Variants in NTNG1 observed in about 807,000 individuals in gnomAD.
The protein encoded by NTNG1 is netrin G1.
A neutral mutation model predicts 54.0 loss-of-function variants in NTNG1; 16 were observed. The observed-to-expected ratio is 0.30, with a 90% CI of 0.20 to 0.45. The LOEUF (loss-of-function observed/expected upper bound fraction) is 0.45. Among genes scored for constraint, NTNG1 ranks in the 20% least tolerant of loss-of-function variants. The pLI, the probability that NTNG1 is intolerant of heterozygous loss-of-function variation, is 1.00. For synonymous variants in NTNG1, 255 were observed against 263.1 expected, an observed-to-expected ratio of 0.97 and a Z score of 0.30; for missense variants, 530 against 678.7, an observed-to-expected ratio of 0.78 and a Z score of 2.43.
At chr1:107,249,482 C>A (rs1204313527) in intron 2 of NTNG1, among the ~76,000 whole-genome samples, 19 of 120,556 alleles carry the variant, frequency 1.6e-4, no homozygotes, top group African/African-American at 4.1e-4. Context: ...AACTCCGTCT[C>A]AAAAAAAAAA....
chr1:107,432,701 C>A (rs1675346172), intron 6 of NTNG1, among the ~76,000 whole-genome samples: 1 of 152,164 alleles, frequency 6.6e-6, no homozygotes, highest in Admixed American at 6.5e-5. Flanking sequence ...GGATAAAAAA[C>A]CTAACCATTT....
At chr1:107,426,128 T>G (rs1227109934) in intron 5 of NTNG1, among the ~76,000 whole-genome samples, 1 of 152,148 alleles carries the variant, frequency 6.6e-6, no homozygotes, top group African/African-American at 2.4e-5. Flanking sequence ...GTAGGTTGTC[T>G]GTTTATTCTG....
intron 2 of NTNG1, among the ~76,000 whole-genome samples, chr1:107,217,728 T>C (rs541116585): frequency 6.6e-6 from 1 of 152,308 alleles, no homozygotes; most frequent in Non-Finnish European, 1.5e-5. Context: ...CAGGAGCGGG[T>C]TATTTAATTT....
chr1:107,142,825 C>T (rs1359980472), intron 1 of NTNG1, among the ~76,000 whole-genome samples: 2 of 151,202 alleles, frequency 1.3e-5, no homozygotes, highest in Non-Finnish European at 2.9e-5. Flanking sequence ...AGGAGGATCT[C>T]TAGTGAGGGA....
chr1:107,237,796 T>G (rs1661512670), intron 2 of NTNG1, among the ~76,000 whole-genome samples: 1 of 152,196 alleles, frequency 6.6e-6, no homozygotes, highest in Admixed American at 6.5e-5. Context: ...GAATTGAGGT[T>G]TGGAAATCTC....
chr1:107,266,771 AC>A (rs1163440222), intron 2 of NTNG1, among the ~76,000 whole-genome samples: 2 of 151,898 alleles, frequency 1.3e-5, no homozygotes, highest in Admixed American at 1.3e-4. Context: ...CTGCTTTCAG[AC>A]CTGTAAAGAG....
At chr1:107,151,683 G>A (rs1018539654) in intron 2 of NTNG1, among the ~76,000 whole-genome samples, 4 of 152,076 alleles carry the variant, frequency 2.6e-5, no homozygotes, top group African/African-American at 9.7e-5. Context: ...AAGTTCATTG[G>A]CATTGCATTA....
chr1:107,473,936 C>G (rs1678144075), intron 7 of NTNG1, among the ~76,000 whole-genome samples: 1 of 152,154 alleles, frequency 6.6e-6, no homozygotes, highest in Admixed American at 6.5e-5. Context: ...CTTGGTCACT[C>G]CATTTGAAAT....
chr1:107,145,011 C>T (rs532164923), intron 1 of NTNG1, among the ~76,000 whole-genome samples: 2 of 152,078 alleles, frequency 1.3e-5, no homozygotes, highest in South Asian at 2.1e-4. Context: ...TTAAAGGCCA[C>T]GTCACTTCAC....
chr1:107,374,661 G>A (rs1467893612), intron 3 of NTNG1, among the ~76,000 whole-genome samples: 1 of 151,992 alleles, frequency 6.6e-6, no homozygotes, highest in Non-Finnish European at 1.5e-5. Flanking sequence ...CTGTTTTAAT[G>A]TCCTGTCTGC....
chr1:107,292,319 C>T (rs552959763), intron 2 of NTNG1, among the ~76,000 whole-genome samples: 1 of 152,174 alleles, frequency 6.6e-6, no homozygotes, highest in South Asian at 2.1e-4. Context: ...GTGATGGAGG[C>T]AAGTTTTAGA....
intron 2 of NTNG1, among the ~76,000 whole-genome samples, chr1:107,161,741 T>C (rs991004920): frequency 1.3e-5 from 2 of 152,024 alleles, no homozygotes; most frequent in African/African-American, 4.8e-5. Context: ...TTATATTGTT[T>C]TTGTTAGAAT....
intron 7 of NTNG1, among the ~76,000 whole-genome samples, chr1:107,458,844 G>C (rs1007853958): frequency 6.6e-6 from 1 of 152,028 alleles, no homozygotes; most frequent in African/African-American, 2.4e-5. Flanking sequence ...TCTGTATCTG[G>C]TGTCCTATTT....
At chr1:107,344,728 T>G (rs1669112342) in intron 3 of NTNG1, among the ~76,000 whole-genome samples, 1 of 152,182 alleles carries the variant, frequency 6.6e-6, no homozygotes, top group African/African-American at 2.4e-5. Flanking sequence ...TAATACCTTT[T>G]TTATACTGTC....
intron 2 of NTNG1, among the ~76,000 whole-genome samples, chr1:107,187,815 CTTTGTTTTACCCT>C (rs1342983434): frequency 6.6e-6 from 1 of 152,002 alleles, no homozygotes; most frequent in Non-Finnish European, 1.5e-5. Flanking sequence ...GGCAGAATGA[CTTTGTTTTACCCT>C]TTAAAGGGAG....
At chr1:107,329,878 G>A (rs529908057) in intron 3 of NTNG1, among the ~76,000 whole-genome samples, 24 of 152,042 alleles carry the variant, frequency 1.6e-4, no homozygotes, top group Middle Eastern at 6.8e-3. Flanking sequence ...TATCCAGAAG[G>A]GACACAGACT....
intron 2 of NTNG1, among the ~76,000 whole-genome samples, chr1:107,152,476 G>T (rs1226351499): frequency 1.3e-5 from 2 of 152,208 alleles, no homozygotes; most frequent in Admixed American, 6.5e-5. Context: ...GCACACCCCA[G>T]TGGCTTAAAA....
chr1:107,265,115 GT>G (rs1663646187), intron 2 of NTNG1, among the ~76,000 whole-genome samples: 1 of 152,130 alleles, frequency 6.6e-6, no homozygotes, highest in Non-Finnish European at 1.5e-5. Context: ...ATTGTGTCTT[GT>G]TTTCTCATTG....
intron 7 of NTNG1, among the ~76,000 whole-genome samples, chr1:107,438,338 A>G (rs1196662806): frequency 6.6e-6 from 1 of 152,132 alleles, no homozygotes. Context: ...CAGGCCTCAC[A>G]CCTGTATATA....
Sources: allele counts gnomAD v4.1 joint callset (sites outside exome capture counted in the v4.1 genomes callset), GRCh38; gene constraint gnomAD v4.1.1; transcripts MANE v1.5; gene names NCBI Gene and HGNC (gene_info 2026-07-23, HGNC 2026-07-21).